The following HTT variants were observed in gnomAD, a reference collection of about 807,000 sequenced individuals.
The protein encoded by HTT is huntington disease protein.
In HTT, 104 loss-of-function variants were observed where a neutral mutation model predicts 362.3. The ratio of observed to expected loss-of-function variants is 0.29; its 90% CI spans 0.24 to 0.34. The LOEUF (loss-of-function observed/expected upper bound fraction) is 0.34. Among genes scored for constraint, HTT ranks in the 10% least tolerant of loss-of-function variants. The pLI, the probability that HTT is intolerant of heterozygous loss-of-function variation, is 1.00. For missense variants in HTT, 3,301 were observed against 3,928.6 expected (o/e 0.84, Z 4.27); for synonymous variants, 1,577 against 1,548.7 (o/e 1.02, Z -0.43).
intron 2 of HTT, among the ~76,000 whole-genome samples, chr4:3,098,312 C>A (rs560566421): frequency 2.6e-5 from 4 of 152,172 alleles, no homozygotes; most frequent in Non-Finnish European, 5.9e-5. Flanking sequence ...GCCTCTTAGG[C>A]TCATTGCTAT....
At chr4:3,143,803 A>G (rs1203427489) in intron 23 of HTT, among the ~76,000 whole-genome samples, 1 of 151,944 alleles carries the variant, frequency 6.6e-6, no homozygotes, top group East Asian at 1.9e-4. Flanking sequence ...GGGTTTCTCC[A>G]TGTTGGTCAG....
At chr4:3,149,040 CT>C (rs748639158) in intron 26 of HTT, among the ~76,000 whole-genome samples, 20 of 152,310 alleles carry the variant, frequency 1.3e-4, no homozygotes, top group South Asian at 1.0e-3. Flanking sequence ...AAATACCTAG[CT>C]TTAGTTTTAG....
At chr4:3,147,329 G>A (rs183216366) in intron 25 of HTT, among the ~76,000 whole-genome samples, 178 of 152,244 alleles carry the variant, frequency 1.2e-3, no homozygotes, top group Admixed American at 2.9e-3. Flanking sequence ...CAAAAGTGCA[G>A]TGGTCACACA....
intron 10 of HTT, 113 bp downstream of exon 10, chr4:3,123,049 C>CCTG: frequency 2.8e-6 from 2 of 718,824 alleles, no homozygotes; most frequent in African/African-American, 1.8e-5. Context: ...CTGTGTATAT[C>CCTG]TCTTCTCAGA....
intron 28 of HTT, among the ~76,000 whole-genome samples, chr4:3,157,793 A>G (rs1040282511): frequency 6.6e-6 from 1 of 151,652 alleles, no homozygotes; most frequent in Non-Finnish European, 1.5e-5. Flanking sequence ...TTTTCTGTTC[A>G]TCTGCAATTT....
intron 34 of HTT, among the ~76,000 whole-genome samples, 174 bp from the exon 35 acceptor site, chr4:3,178,124 G>A (rs1383519432): frequency 1.3e-5 from 2 of 152,326 alleles, no homozygotes; most frequent in Non-Finnish European, 2.9e-5. Context: ...TGCTCTGCGC[G>A]AGGGCACAGA....
intron 47 of HTT, among the ~76,000 whole-genome samples, chr4:3,210,460 G>C (rs1265888253): frequency 6.6e-6 from 1 of 152,178 alleles, no homozygotes; most frequent in African/African-American, 2.4e-5. Context: ...TGGATGCAGC[G>C]AGATTTCCTC....
At chr4:3,151,576 G>A (rs747235137) in intron 26 of HTT, among the ~76,000 whole-genome samples, 1 of 152,140 alleles carries the variant, frequency 6.6e-6, no homozygotes, top group Admixed American at 6.5e-5. Flanking sequence ...GGGACACAGA[G>A]CCAAACCATA....
rs1721737257 is a variant in HTT, at chr4:3,240,060, G to A, written c.*1G>A. 6.3e-7 allele frequency: 1 copy of A among 1,579,784 alleles called. No individual in the cohort carries two copies. Among genetic ancestry groups the A allele is most frequent in the Non-Finnish European group, 8.6e-7 (1 of 1,161,340 alleles). On this transcript the variant is annotated 3_prime_UTR_variant, in exon 67 of 67. Transcript: ENST00000355072. ...TGTCCACAAGGTCACCACCTGCTGA[G>A]CGCCATGGTGGGAGAGACTGTGAGG...
Position 3,242,688 on chromosome 4 carries a change from A to T in HTT, c.*2629A>T, listed in dbSNP as rs1175849936. On this transcript the variant is annotated 3_prime_UTR_variant, in exon 67 of 67. Transcript: ENST00000355072. ...ATCTGTGGCAAGCACCCATCGTATT[A>T]TCCAAATTTTGTTGCAAATGTGATT... The T allele has an allele frequency of 6.6e-6, 1 of 152,194 alleles. No individual in the cohort carries two copies. The highest frequency in any genetic ancestry group is 1.5e-5 in the Non-Finnish European group (1 of 68,044). The allele number at this position is 152,194 out of a possible 1,614,324, so 9.4% of individuals were successfully genotyped here.
intron 56 of HTT, among the ~76,000 whole-genome samples, chr4:3,224,894 C>T (rs188283728): frequency 1.1e-4 from 17 of 152,278 alleles, no homozygotes; most frequent in Non-Finnish European, 2.1e-4. Context: ...GCTCATAAGT[C>T]AGGAGGACCC....
chr4:3,228,647 C>A lies in HTT; in HGVS notation c.7881C>A (p.Ser2627Arg). 6.2e-7 allele frequency: 1 copy of A among 1,602,884 alleles called. No individual in the cohort carries two copies. The highest frequency in any genetic ancestry group is 1.1e-5 in the South Asian group (1 of 89,520). The change falls in exon 58 of 67, where the codon AGC (serine) becomes AGA (arginine). Residue 2627 changes from serine (S) to arginine (R), a missense_variant. By Grantham distance (110) the Ser-to-Arg change is moderately radical. Coordinates refer to ENST00000355072, the MANE Select transcript of HTT (RefSeq NM_001388492.1). The surrounding 1 kb of genome is among the most constrained non-coding windows in gnomAD (Gnocchi z 4.3). Reference protein sequence around the residue: ...VSIHSVWLGNSITPLREEEWD... With the variant: ...VSIHSVWLGNRITPLREEEWD... Reference sequence around the variant, plus strand: ...TACACTCCGTGTGGCTGGGGAACAGCATCACACCCCTGAGGGAGGAGGAAT... The same window carrying A: ...TACACTCCGTGTGGCTGGGGAACAGAATCACACCCCTGAGGGAGGAGGAAT...
intron 1 of HTT, among the ~76,000 whole-genome samples, chr4:3,086,225 A>G (rs1356266008): frequency 6.6e-6 from 1 of 152,258 alleles, no homozygotes; most frequent in African/African-American, 2.4e-5. Context: ...TGATGTTAAC[A>G]CATGATTCAA....
At chr4:3,184,468 G>A (rs952271006) in intron 37 of HTT, among the ~76,000 whole-genome samples, 4 of 152,068 alleles carry the variant, frequency 2.6e-5, no homozygotes, top group Admixed American at 2.0e-4. Flanking sequence ...TGAGGGCAGA[G>A]CAGGGCCACC....
rs3025812 is a variant in HTT at position 3,224,461 on chromosome 4, A to G, written c.7765+330A>G. On this transcript the variant is annotated intron_variant, in intron 56 of 66. Coordinates refer to ENST00000355072, the MANE Select transcript of HTT (RefSeq NM_001388492.1). ...AACCAAGTTCATCTACACAAGCTGAATCTCCAGCTTTTCCTAAGAAACCAT... is the reference window on the plus strand; with the variant it reads ...AACCAAGTTCATCTACACAAGCTGAGTCTCCAGCTTTTCCTAAGAAACCAT... Among the ~76,000 whole-genome samples the G allele has an allele frequency of 9.3e-3, 1,419 of 152,308 alleles. 16 individuals carry two copies. Among genetic ancestry groups the G allele is most frequent in the African/African-American group, 0.032 (1,349 of 41,548 alleles).
rs1440127774 is a variant in HTT, at chr4:3,233,279, G to A, written c.8382G>A (p.Leu2794=). Reference sequence around the variant, plus strand: ...TCCTCTATGTGCTGGAGTGCGACCTGCTGGACGACACTGCCAAGCAGCTCA... The same window carrying A: ...TCCTCTATGTGCTGGAGTGCGACCTACTGGACGACACTGCCAAGCAGCTCA... The part of the protein sequence containing the change: ...HGVLYVLECD[L]LDDTAKQLIP... Residue 2794 remains leucine (L), a synonymous_variant, in exon 61 of 67, where the codon CTG becomes CTA. Coordinates refer to ENST00000355072, the MANE Select transcript of HTT (RefSeq NM_001388492.1). 6.2e-7 allele frequency: 1 copy of A among 1,611,610 alleles called. No homozygotes were observed. Among genetic ancestry groups the A allele is most frequent in the Admixed American group, 1.7e-5 (1 of 60,006 alleles).
intron 38 of HTT, 119 bp downstream of exon 38, chr4:3,186,838 CTTTT>C (rs1160738052): frequency 0.023 from 5,769 of 246,976 alleles, no homozygotes; most frequent in South Asian, 0.035. Context: ...TGAGAGTTTG[CTTTT>C]TTTTTTTTTT....
chr4:3,155,576 T>G (rs1717099050), intron 27 of HTT, among the ~76,000 whole-genome samples: 1 of 150,852 alleles, frequency 6.6e-6, no homozygotes, highest in African/African-American at 2.4e-5. Context: ...ATATACAACA[T>G]GATGTTTGAA....
intron 29 of HTT, among the ~76,000 whole-genome samples, chr4:3,161,874 C>T (rs1717465562): frequency 6.6e-6 from 1 of 152,048 alleles, no homozygotes; most frequent in South Asian, 2.1e-4. Flanking sequence ...CTGTAGGTTG[C>T]CTGTTCACTC....
Sources: gnomAD v4.1 joint callset for allele counts (sites outside exome capture counted in the v4.1 genomes callset) on GRCh38, gnomAD v4.1.1 for gene constraint, Gnocchi (gnomAD v3.1) non-coding constraint, MANE v1.5 for transcripts, NCBI Gene and HGNC (gene_info 2026-07-23, HGNC 2026-07-21) for gene names.